KIF6: variants seen among roughly 807,000 people sequenced by gnomAD.
KIF6 encodes the protein kinesin family member 6.
Under a neutral mutation model 112.7 loss-of-function variants are expected in KIF6, and 106 were observed. The observed-to-expected ratio is 0.94, with a 90% CI of 0.80 to 1.11. The LOEUF is 1.11. KIF6 is among the 50% of genes least tolerant of loss of function. The pLI, the probability that KIF6 is intolerant of heterozygous loss-of-function variation, is 0.00. For missense variants in KIF6, 929 were observed against 964.0 expected (o/e 0.96, Z 0.48); for synonymous variants, 339 against 339.9 (o/e 1.00, Z 0.03).
chr6:39,503,072 T>C (rs1776223188), intron 13 of KIF6, among the ~76,000 whole-genome samples: 1 of 152,188 alleles, frequency 6.6e-6, no homozygotes, highest in Middle Eastern at 3.4e-3. Flanking sequence ...TACTCTAAAA[T>C]TGATCACATA....
chr6:39,341,450 G>A (rs1718607646), intron 22 of KIF6, among the ~76,000 whole-genome samples: 1 of 152,136 alleles, frequency 6.6e-6, no homozygotes, highest in South Asian at 2.1e-4. Flanking sequence ...GCAACTGTTG[G>A]AGAACCCCAG....
intron 2 of KIF6, among the ~76,000 whole-genome samples, chr6:39,717,915 T>C (rs159957): frequency 0.86 from 130,665 of 152,136 alleles, 56,540 homozygotes; most frequent in East Asian, 0.97. Context: ...CAATTGCACT[T>C]TGTTTGTATC....
At chr6:39,539,155 C>G (rs1028512037) in intron 13 of KIF6, among the ~76,000 whole-genome samples, 17 of 150,546 alleles carry the variant, frequency 1.1e-4, no homozygotes, top group Non-Finnish European at 2.1e-4. Flanking sequence ...CAGCATGGCA[C>G]ATGTATACAT....
At position 39,335,047 on chromosome 6, in the gene KIF6, A is replaced by G; in HGVS notation, c.*1485T>C. 1 of 152,210 alleles carries G rather than the reference A, an allele frequency of 6.6e-6. No homozygotes were observed. Among genetic ancestry groups the G allele is most frequent in the East Asian group, 1.9e-4 (1 of 5,194 alleles). The allele number at this position is 152,210 out of a possible 1,614,324, so 9.4% of individuals were successfully genotyped here. A position where few individuals can be genotyped will look rare whatever the true frequency, so the allele number is the denominator to read the frequency against. On this transcript the variant is annotated 3_prime_UTR_variant, in exon 23 of 23. Coordinates refer to ENST00000287152, the MANE Select transcript of KIF6 (RefSeq NM_145027.6). Reference sequence around the variant, plus strand: ...CTACTCATGAACTGAAGGACCGTTTACTGAACAGCGACTCTGTGCTTGGGA... The same window carrying G: ...CTACTCATGAACTGAAGGACCGTTTGCTGAACAGCGACTCTGTGCTTGGGA...
chr6:39,553,279 G>A (rs1296029897), intron 10 of KIF6, among the ~76,000 whole-genome samples: 1 of 152,176 alleles, frequency 6.6e-6, no homozygotes, highest in Admixed American at 6.5e-5. Context: ...TGGTGATGCA[G>A]AGGAAATTCC....
chr6:39,690,457 A>G (rs1788130964), intron 3 of KIF6: 1 of 152,018 alleles, frequency 6.6e-6, no homozygotes, highest in Non-Finnish European at 1.5e-5. Context: ...TGAATGATTA[A>G]CCAGGCAGTG....
chr6:39,332,887 T>C lies in KIF6; in HGVS notation c.*3645A>G, dbSNP rs1254906596. Reference sequence around the variant, plus strand: ...TCCTCCCTGGATTCCCAGCTCCATTTCCTCAACTCAGGGAAACCACTGGGC... The same window carrying C: ...TCCTCCCTGGATTCCCAGCTCCATTCCCTCAACTCAGGGAAACCACTGGGC... On this transcript the variant is annotated 3_prime_UTR_variant, in exon 23 of 23. Transcript: ENST00000287152. 6.6e-6 allele frequency: 1 copy of C among 152,210 alleles called. No homozygotes were observed. The highest frequency in any genetic ancestry group is 1.5e-5 in the Non-Finnish European group (1 of 68,046). The allele number at this position is 152,210 out of a possible 1,614,324, so 9.4% of individuals were successfully genotyped here.
rs144701453 is a variant in KIF6 at position 39,596,856 on chromosome 6, T to C, written c.640-596A>G. ...CAAGAGCATCTCCAAACAAATGGCT[T>C]AAGAACTAAAAAGTTTAGCATGGTT... On this transcript the variant is annotated intron_variant, in intron 6 of 22. Coordinates refer to ENST00000287152, the MANE Select transcript of KIF6 (RefSeq NM_145027.6). 4.6e-3 allele frequency among the ~76,000 whole-genome samples: 708 copies of C among 152,280 alleles called. 6 individuals are homozygous for C. Among genetic ancestry groups the C allele is most frequent in the Non-Finnish European group, 7.2e-3 (493 of 68,010 alleles).
intron 20 of KIF6, among the ~76,000 whole-genome samples, chr6:39,346,134 T>TCTCTCTCTCCCTCTCTCC (rs1562113426): frequency 1.3e-5 from 1 of 76,666 alleles, no homozygotes; most frequent in Non-Finnish European, 2.3e-5. Flanking sequence ...TCCCTCTCCC[T>TCTCTCTCTCCCTCTCTCC]CTCTCTCTCT....
chr6:39,400,717 C>G (rs1162626557), intron 15 of KIF6, among the ~76,000 whole-genome samples: 1 of 152,144 alleles, frequency 6.6e-6, no homozygotes, highest in East Asian at 1.9e-4. Context: ...TTGACTCTGG[C>G]CTGTCACTGG....
intron 3 of KIF6, among the ~76,000 whole-genome samples, chr6:39,660,637 A>G (rs1299696987): frequency 6.6e-6 from 1 of 152,034 alleles, no homozygotes; most frequent in Non-Finnish European, 1.5e-5. Context: ...TGAGCTAAGG[A>G]GCCCCAATAT....
chr6:39,550,597 A>G (rs1779319301), intron 10 of KIF6, among the ~76,000 whole-genome samples: 1 of 152,252 alleles, frequency 6.6e-6, no homozygotes, highest in Non-Finnish European at 1.5e-5. Flanking sequence ...TCCCTGTGGT[A>G]GAACCATGGA....
intron 2 of KIF6, among the ~76,000 whole-genome samples, chr6:39,716,839 A>G (rs1011188660): frequency 4.1e-4 from 62 of 152,238 alleles, no homozygotes; most frequent in African/African-American, 1.3e-3. Flanking sequence ...GCTCTTCCTC[A>G]TCTCAGAAAG....
At position 39,357,146 on chromosome 6, in the gene KIF6, C is replaced by T. The variant is rs930487175; in HGVS notation, c.2180+131G>A. On this transcript the variant is annotated intron_variant, in intron 19 of 22. Transcript: ENST00000287152. ...TCTTGAGTATCTACGACTAATTAAA[C>T]AGTAAAAGGAATTAATCCTGCTGGA... 4.0e-5 allele frequency: 24 copies of T among 596,982 alleles called. 1 individual carries two copies. Among genetic ancestry groups the T allele is most frequent in the East Asian group, 3.3e-4 (12 of 36,548 alleles). 37.0% of individuals were successfully genotyped at this position (596,982 alleles called of 1,614,324 possible).
At chr6:39,682,430 C>G (rs302565) in intron 3 of KIF6, among the ~76,000 whole-genome samples, 134,868 of 152,246 alleles carry the variant, frequency 0.89, 60,302 homozygotes, top group East Asian at 0.97. Context: ...TGTAAATATA[C>G]AAAAGGTACA....
chr6:39,353,947 G>T, intron 19 of KIF6: 1 of 556,052 alleles, frequency 1.8e-6, no homozygotes, highest in Non-Finnish European at 3.3e-6. Flanking sequence ...CTGCTCTGCA[G>T]CAGGACTGCT....
rs372668922 is a variant in KIF6 at position 39,494,190 on chromosome 6, T to C, written c.1645+45813A>G. On this transcript the variant is annotated intron_variant, in intron 13 of 22. Coordinates refer to ENST00000287152, the MANE Select transcript of KIF6 (RefSeq NM_145027.6). ...GAAAGTAAGGTTTATATCTGATGAGTGACTCTGGTAGTCTCTGGTATGTTA... is the reference window on the plus strand; with the variant it reads ...GAAAGTAAGGTTTATATCTGATGAGCGACTCTGGTAGTCTCTGGTATGTTA... Among the ~76,000 whole-genome samples, 24 of 152,320 alleles carry C rather than the reference T, an allele frequency of 1.6e-4. No individual in the cohort carries two copies. In the East Asian group the frequency reaches 4.2e-3, roughly 27 times the overall value.
chr6:39,580,973 C>T (rs1781254728), intron 9 of KIF6, among the ~76,000 whole-genome samples: 1 of 152,046 alleles, frequency 6.6e-6, no homozygotes, highest in African/African-American at 2.4e-5. Flanking sequence ...CCAACTAGTT[C>T]ATGATAGTAC....
intron 15 of KIF6, among the ~76,000 whole-genome samples, chr6:39,388,674 C>CA (rs947130467): frequency 1.3e-5 from 2 of 151,550 alleles, no homozygotes; most frequent in African/African-American, 2.4e-5. Flanking sequence ...TGGGTTTTGG[C>CA]AAAAAAAGGA....
Sources: gnomAD v4.1 joint callset for allele counts (sites outside exome capture counted in the v4.1 genomes callset) on GRCh38, gnomAD v4.1.1 for gene constraint, MANE v1.5 for transcripts, NCBI Gene and HGNC (gene_info 2026-07-23, HGNC 2026-07-21) for gene names.